UBE3A: variants seen among roughly 807,000 people sequenced by gnomAD.
UBE3A encodes ubiquitin protein ligase E3A, also known as ubiquitin-protein ligase E3A.
UBE3A carries 6 observed loss-of-function variants against 83.4 expected under a neutral mutation model. The observed-to-expected ratio is 0.07, with a 90% CI of 0.04 to 0.14. The LOEUF is 0.14. Ranked by LOEUF, UBE3A falls within the 10% of genes least tolerant of loss-of-function variation. The probability of loss-of-function intolerance (pLI) is 1.00; values close to 1 mark genes in which losing one functional copy is unlikely to be tolerated. For synonymous variants in UBE3A, 337 were observed against 355.4 expected (o/e 0.95, Z 0.58); for missense variants, 456 against 1,036.1 (o/e 0.44, Z 7.69).
rs1201599873 is a variant in UBE3A at position 25,338,279 on chromosome 15, TC to T, written c.*857del. The stretch of plus-strand genomic sequence containing the variant: ...TGTTGCAATAGGCTTGACTACCATT[TC>T]ATTTGGCCAAATGCACTTTCCCCAG... On this transcript the variant is annotated 3_prime_UTR_variant, in exon 13 of 13. Transcript: ENST00000648336. The T allele has an allele frequency of 6.6e-6, 1 of 152,002 alleles. No homozygotes were observed. Among genetic ancestry groups the T allele is most frequent in the Admixed American group, 6.6e-5 (1 of 15,260 alleles). 9.4% of individuals were successfully genotyped at this position (152,002 alleles called of 1,614,324 possible).
chr15:25,371,604 C>G lies in UBE3A; in HGVS notation c.570G>C (p.Lys190Asn), dbSNP rs780715298. 1 of 1,613,926 alleles carries G rather than the reference C, an allele frequency of 6.2e-7. No individual in the cohort carries two copies. The highest frequency in any genetic ancestry group is 8.5e-7 in the Non-Finnish European group (1 of 1,180,008). The change falls in exon 6 of 13, where the codon AAG becomes AAC. Residue 190 changes from lysine (K) to asparagine (N), a missense_variant. By Grantham distance (94) the Lys-to-Asn change is moderately conservative. This residue lies in a region of UBE3A where 42 missense variants were observed against 41.8 expected (regional missense o/e 1.00). Coordinates refer to ENST00000648336, the MANE Select transcript of UBE3A (RefSeq NM_130839.5). The surrounding 1 kb of genome is among the most constrained non-coding windows in gnomAD (Gnocchi z 5.3). ...CAGCAGCAGAACATGCAGCTTTTTC[C>G]TTTTCATCTTCATCTTTGTCTTCAT... ...AKDEDKDEDE[K>N]EKAACSAAAM... is the part of the protein sequence containing the mutation.
chr15:25,397,491 T>A (rs548513916), intron 4 of UBE3A, among the ~76,000 whole-genome samples: 1 of 152,122 alleles, frequency 6.6e-6, no homozygotes, highest in African/African-American at 2.4e-5. Context: ...TGAAGACCCA[T>A]AGGCTATCCC....
intron 4 of UBE3A, among the ~76,000 whole-genome samples, chr15:25,395,332 C>T (rs141331810): frequency 1.4e-3 from 215 of 152,248 alleles, no homozygotes; most frequent in African/African-American, 5.0e-3. Flanking sequence ...ATCATTCCGG[C>T]TGCTACTAGA....
At chr15:25,433,283 A>C (rs1321602499) in intron 1 of UBE3A, among the ~76,000 whole-genome samples, 1 of 150,732 alleles carries the variant, frequency 6.6e-6, no homozygotes, top group East Asian at 2.0e-4. Context: ...TCCCGTGTTC[A>C]AGCGTTTCCC....
intron 6 of UBE3A, among the ~76,000 whole-genome samples, chr15:25,367,303 T>A (rs1049460383): frequency 1.4e-5 from 2 of 142,974 alleles, no homozygotes; most frequent in African/African-American, 5.4e-5. Context: ...AATTTACATA[T>A]TAAATTAAAT....
In UBE3A at chr15:25,338,155, A is replaced by C. The variant is rs2074119778; in HGVS notation, c.*982T>G. Reference sequence around the variant, plus strand: ...GGGGAGACTTTGGATTGTCTATTTAAAATCTAGGTAATAAGTAAGTAATTA... The same window carrying C: ...GGGGAGACTTTGGATTGTCTATTTACAATCTAGGTAATAAGTAAGTAATTA... On this transcript the variant is annotated 3_prime_UTR_variant, in exon 13 of 13. Coordinates refer to ENST00000648336, the MANE Select transcript of UBE3A (RefSeq NM_130839.5). The C allele has an allele frequency of 6.6e-6, 1 of 152,144 alleles. No homozygotes were observed. Among genetic ancestry groups the C allele is most frequent in the African/African-American group, 2.4e-5 (1 of 41,444 alleles). 9.4% of individuals were successfully genotyped at this position (152,144 alleles called of 1,614,324 possible). A position where few individuals can be genotyped will look rare whatever the true frequency, so the allele number is the denominator to read the frequency against.
At chr15:25,413,042 G>A (rs1226806134) in intron 1 of UBE3A, 6 of 450,900 alleles carry the variant, frequency 1.3e-5, no homozygotes, top group Middle Eastern at 3.3e-4. Context: ...AAGAAGCCCT[G>A]CCTTCCAAAT....
intron 4 of UBE3A, among the ~76,000 whole-genome samples, chr15:25,404,608 A>T (rs2087992648): frequency 6.6e-6 from 1 of 152,174 alleles, no homozygotes; most frequent in African/African-American, 2.4e-5. Context: ...CACTGACTGA[A>T]CTACCTTACC....
chr15:25,355,414 G>C (rs1297661929), intron 9 of UBE3A, among the ~76,000 whole-genome samples: 1 of 151,980 alleles, frequency 6.6e-6, no homozygotes, highest in Non-Finnish European at 1.5e-5. Flanking sequence ...ATAATTTTTT[G>C]CTTGTTATGT....
At chr15:25,355,647 C>G (rs927716072) in intron 9 of UBE3A, among the ~76,000 whole-genome samples, 1 of 152,176 alleles carries the variant, frequency 6.6e-6, no homozygotes, top group Non-Finnish European at 1.5e-5. Flanking sequence ...TACAACCACA[C>G]TTAGCTATTA....
At chr15:25,426,827 A>AT (rs35386735) in intron 1 of UBE3A, among the ~76,000 whole-genome samples, 17,950 of 147,264 alleles carry the variant, frequency 0.12, 1,107 homozygotes, top group Middle Eastern at 0.22. Flanking sequence ...GCTGGTTATA[A>AT]TTTTTTTTTT....
rs910537423 is a variant in UBE3A, at chr15:25,427,734, G to T, written c.-165+10755C>A. On this transcript the variant is annotated intron_variant, in intron 1 of 12. Coordinates refer to ENST00000648336, the MANE Select transcript of UBE3A (RefSeq NM_130839.5). ...TGAGGCCAGGGGGTTCAAGGATGCAGGGAGCTATGATCATGGCACTGCACT... is the reference window on the plus strand; with the variant it reads ...TGAGGCCAGGGGGTTCAAGGATGCATGGAGCTATGATCATGGCACTGCACT... 2.1e-5 allele frequency among the ~76,000 whole-genome samples: 3 copies of T among 145,364 alleles called. No homozygotes were observed. The Admixed American group carries it at 2.1e-4, about 10-fold the overall frequency.
chr15:25,409,353 T>A, intron 2 of UBE3A, 146 bp from the exon 3 acceptor site: 1 of 399,434 alleles, frequency 2.5e-6, no homozygotes, highest in Non-Finnish European at 4.5e-6. Flanking sequence ...TTTTAAGGAC[T>A]ATTTTCCAGC....
In UBE3A at chr15:25,335,324, G is replaced by A. The variant is rs2073912304; in HGVS notation, c.*3813C>T. The A allele has an allele frequency of 6.6e-6, 1 of 152,368 alleles. No homozygotes were observed. The highest frequency in any genetic ancestry group is 6.5e-5 in the Admixed American group (1 of 15,292). The allele number at this position is 152,368 out of a possible 1,614,324, so 9.4% of individuals were successfully genotyped here. ...GCTGGGTAGGAATGCAGCGAGGAAAGTGTGTAACACAAGGCCAAATTGGAA... is the reference window on the plus strand; with the variant it reads ...GCTGGGTAGGAATGCAGCGAGGAAAATGTGTAACACAAGGCCAAATTGGAA... On this transcript the variant is annotated 3_prime_UTR_variant, in exon 13 of 13. Transcript: ENST00000648336.
intron 3 of UBE3A, 122 bp from the exon 4 acceptor site, chr15:25,405,624 A>G: frequency 9.7e-7 from 1 of 1,033,104 alleles, no homozygotes; most frequent in Non-Finnish European, 1.5e-6. Flanking sequence ...AACAGTTTTA[A>G]AATTAAAGAT....
intron 5 of UBE3A, 120 bp downstream of exon 5, chr15:25,375,345 G>C (rs2081034800): frequency 8.6e-7 from 1 of 1,167,192 alleles, no homozygotes; most frequent in Non-Finnish European, 1.2e-6. Context: ...ATAAAAAATT[G>C]GTTCTACGAT....
At chr15:25,377,823 T>C (rs1255911925) in intron 4 of UBE3A, among the ~76,000 whole-genome samples, 3 of 152,092 alleles carry the variant, frequency 2.0e-5, no homozygotes, top group Non-Finnish European at 4.4e-5. Context: ...CACAATAAAA[T>C]AAAAACTATC....
intron 1 of UBE3A, among the ~76,000 whole-genome samples, chr15:25,428,433 C>A (rs1892062523): frequency 2.0e-5 from 3 of 152,086 alleles, no homozygotes; most frequent in Admixed American, 1.3e-4. Flanking sequence ...ATTTTTACAT[C>A]AAAAATTAAG....
At chr15:25,395,298 T>C (rs2085301150) in intron 4 of UBE3A, among the ~76,000 whole-genome samples, 1 of 152,170 alleles carries the variant, frequency 6.6e-6, no homozygotes, top group African/African-American at 2.4e-5. Flanking sequence ...GTAAATAACA[T>C]GGTTTAACTC....
Sources: gnomAD v4.1 joint callset for allele counts (sites outside exome capture counted in the v4.1 genomes callset) on GRCh38, gnomAD v4.1.1 for gene constraint, gnomAD v4.1.1 regional missense constraint, Gnocchi (gnomAD v3.1) non-coding constraint, MANE v1.5 for transcripts, NCBI Gene and HGNC (gene_info 2026-07-23, HGNC 2026-07-21) for gene names.